Variants in KRT222 observed in about 807,000 individuals in gnomAD.
KRT222 encodes keratin-like protein KRT222.
A neutral mutation model predicts 35.0 loss-of-function variants in KRT222; 23 were observed. The observed-to-expected ratio is 0.66, with a 90% CI of 0.47 to 0.93. The LOEUF is 0.93. Ranked by LOEUF, KRT222 falls within the 40% of genes least tolerant of loss-of-function variation. KRT222 has a pLI of 0.00. For missense variants in KRT222, 339 were observed against 346.3 expected, an observed-to-expected ratio of 0.98 and a Z score of 0.17; for synonymous variants, 108 against 118.8, an observed-to-expected ratio of 0.91 and a Z score of 0.59.
chr17:40,659,901 G>T, intron 3 of KRT222, 86 bp downstream of exon 3: 1 of 1,139,726 alleles, frequency 8.8e-7, no homozygotes, highest in South Asian at 1.3e-5. Context: ...GGGGTTTTTG[G>T]ATTTAATTTC....
At position 40,665,048 on chromosome 17, in the gene KRT222, G is replaced by C. The variant is rs1375151935; in HGVS notation, c.52C>G (p.Leu18Val). The C allele has an allele frequency of 6.2e-7, 1 of 1,614,062 alleles. No homozygotes were observed. The highest frequency in any genetic ancestry group is 1.1e-5 in the South Asian group (1 of 91,084). ...ACCGTCTCTATCTGATTTCTGGTGA[G>C]GATCTTTTCATAGTTTGCCCTGATC... ...NEIRANYEKILTRNQIETVLS... is the reference protein window; with the variant it reads ...NEIRANYEKIVTRNQIETVLS... Residue 18 changes from leucine to valine, a missense_variant, in exon 1 of 6, where the codon CTC becomes GTC. Coordinates refer to ENST00000394052, the MANE Select transcript of KRT222 (RefSeq NM_152349.3).
At chr17:40,664,946 G>C in intron 1 of KRT222, 58 bp downstream of exon 1, 1 of 1,611,324 alleles carries the variant, frequency 6.2e-7, no homozygotes, top group Non-Finnish European at 8.5e-7. Context: ...GACAGGAATT[G>C]GGTAGACATG....
rs367742760 is a variant in KRT222 at position 40,659,946 on chromosome 17, T to C, written c.446+41A>G. The C allele has an allele frequency of 3.1e-5, 47 of 1,534,538 alleles. 1 individual carries two copies. Among genetic ancestry groups the C allele is most frequent in the South Asian group, 2.7e-4 (24 of 89,256 alleles). ...ATCAACAATGGCATAAGTGGCTCTGTATTTCTGGCCCCTTGTCATTAACTA... is the reference window on the plus strand; with the variant it reads ...ATCAACAATGGCATAAGTGGCTCTGCATTTCTGGCCCCTTGTCATTAACTA... On this transcript the variant is annotated intron_variant, in intron 3 of 5. Transcript: ENST00000394052.
chr17:40,660,109 T>C lies in KRT222; in HGVS notation c.324A>G (p.Leu108=). The part of the protein sequence containing the change: ...ETVIEGLEKE[L]QEVRRGIEKQ... Reference sequence around the variant, plus strand: ...TTTCGATGCCGCGCCTTACTTCCTGTAGCTCTTTTTCTAGTCCTTCAATCA... The same window carrying C: ...TTTCGATGCCGCGCCTTACTTCCTGCAGCTCTTTTTCTAGTCCTTCAATCA... The change falls in exon 3 of 6, where the codon CTA becomes CTG. Residue 108 remains leucine (L), a synonymous_variant. Transcript: ENST00000394052. 6.2e-7 allele frequency: 1 copy of C among 1,614,152 alleles called. No individual in the cohort carries two copies. Among genetic ancestry groups the C allele is most frequent in the South Asian group, 1.1e-5 (1 of 91,072 alleles).
In KRT222 at chr17:40,660,723, T is replaced by C. The variant is rs145432818; in HGVS notation, c.226-516A>G. ...TTATTTACATAACTAGAGATCTTAC[T>C]CTATTTCAAAGACATCCTGTGATAA... On this transcript the variant is annotated intron_variant, in intron 2 of 5. Coordinates refer to ENST00000394052, the MANE Select transcript of KRT222 (RefSeq NM_152349.3). 2.3e-3 allele frequency among the ~76,000 whole-genome samples: 340 copies of C among 149,776 alleles called. 6 individuals are homozygous for C. Among genetic ancestry groups the C allele is most frequent in the Non-Finnish European group, 8.0e-4 (54 of 67,704 alleles).
At chr17:40,661,098 C>T (rs865843432) in intron 2 of KRT222, among the ~76,000 whole-genome samples, 8 of 152,054 alleles carry the variant, frequency 5.3e-5, no homozygotes, top group Middle Eastern at 6.8e-3. Context: ...GCGTGTGCCA[C>T]CATACCTGGC....
At chr17:40,659,957 C>T (rs1185181555) in intron 3 of KRT222, 30 bp downstream of exon 3, 1 of 1,575,010 alleles carries the variant, frequency 6.3e-7, no homozygotes, top group Non-Finnish European at 8.7e-7. Context: ...ATTTCTGGCC[C>T]CTTGTCATTA....
intron 1 of KRT222, among the ~76,000 whole-genome samples, chr17:40,663,362 C>T (rs1393138600): frequency 6.6e-6 from 1 of 152,178 alleles, no homozygotes; most frequent in Non-Finnish European, 1.5e-5. Flanking sequence ...ACTTCTAGAC[C>T]TAAGTCTTAG....
At chr17:40,659,870 T>C (rs1160380938) in intron 3 of KRT222, 117 bp downstream of exon 3, 1 of 809,852 alleles carries the variant, frequency 1.2e-6, no homozygotes, top group African/African-American at 1.7e-5. Flanking sequence ...ATGGGCTCAG[T>C]GAGTACACCA....
At position 40,665,150 on chromosome 17, in the gene KRT222, T is replaced by TCGCTG. The variant is rs1198959900; in HGVS notation, c.-56_-52dup. 6.4e-7 allele frequency: 1 copy of TCGCTG among 1,554,136 alleles called. No homozygotes were observed. The highest frequency in any genetic ancestry group is 8.9e-7 in the Non-Finnish European group (1 of 1,128,062). On this transcript the variant is annotated 5_prime_UTR_variant, in exon 1 of 6. Coordinates refer to ENST00000394052, the MANE Select transcript of KRT222 (RefSeq NM_152349.3). ...AACTGAACCTTATCGATAGGATGAG[T>TCGCTG]CGCTGCGGCAGTCTGCTCGGTCTGC...
At chr17:40,664,744 C>A (rs948526808) in intron 1 of KRT222, among the ~76,000 whole-genome samples, 2 of 151,900 alleles carry the variant, frequency 1.3e-5, no homozygotes, top group African/African-American at 2.4e-5. Flanking sequence ...GTATGTTGAC[C>A]CCATGTTAAT....
At chr17:40,659,890 TG>T in intron 3 of KRT222, 96 bp downstream of exon 3, 1 of 952,038 alleles carries the variant, frequency 1.1e-6, no homozygotes, top group Non-Finnish European at 1.7e-6. Flanking sequence ...ATGATGATGA[TG>T]GGGTTTTTGG....
chr17:40,664,393 C>T (rs571571552), intron 1 of KRT222, among the ~76,000 whole-genome samples: 1 of 152,026 alleles, frequency 6.6e-6, no homozygotes, highest in Non-Finnish European at 1.5e-5. Context: ...TGTTTCTCAT[C>T]TTATAGTACA....
intron 1 of KRT222, among the ~76,000 whole-genome samples, chr17:40,662,572 G>A (rs1459633875): frequency 2.0e-5 from 3 of 152,106 alleles, no homozygotes; most frequent in African/African-American, 7.2e-5. Context: ...TAGGCAATAA[G>A]GCTCACAAAT....
At chr17:40,660,851 TAA>T (rs1237189510) in intron 2 of KRT222, among the ~76,000 whole-genome samples, 4 of 139,482 alleles carry the variant, frequency 2.9e-5, no homozygotes, top group Non-Finnish European at 4.8e-5. Flanking sequence ...GTAGGCTTTG[TAA>T]AAAAAAAAAA....
chr17:40,657,391 C>A lies in KRT222; in HGVS notation c.620G>T (p.Ser207Ile). ...AGCTTCAGTGCTCTCCTTAACGATA[C>A]TCCCATTTAAGATTGCCTGTTTGGT... is the stretch of plus-strand genomic sequence containing the variant. The part of the protein sequence containing the change: ...TVTKQAILNG[S>I]IVKESTEAHG... Residue 207 changes from serine to isoleucine, a missense_variant, in exon 5 of 6, where the codon AGT (serine) becomes ATT (isoleucine). Coordinates refer to ENST00000394052, the MANE Select transcript of KRT222 (RefSeq NM_152349.3). 1.2e-6 allele frequency: 2 copies of A among 1,610,532 alleles called. No homozygotes were observed. Among genetic ancestry groups the A allele is most frequent in the Non-Finnish European group, 1.7e-6 (2 of 1,178,592 alleles).
At position 40,659,626 on chromosome 17, in the gene KRT222, A is replaced by G. The variant is rs2037368937; in HGVS notation, c.446+361T>C. Among the ~76,000 whole-genome samples, 3 of 151,426 alleles carry G rather than the reference A, an allele frequency of 2.0e-5. No individual in the cohort carries two copies. The South Asian group carries it at 6.3e-4, about 32-fold the overall frequency. ...TTTTGTACAGATGAGGTCTCACTAT[A>G]TTGCCCAAGCTGGTATTGAGCTCCT... On this transcript the variant is annotated intron_variant, in intron 3 of 5. Coordinates refer to ENST00000394052, the MANE Select transcript of KRT222 (RefSeq NM_152349.3).
intron 1 of KRT222, among the ~76,000 whole-genome samples, chr17:40,663,776 A>G (rs1392460808): frequency 6.6e-6 from 1 of 152,236 alleles, no homozygotes; most frequent in Admixed American, 6.5e-5. Flanking sequence ...AACTCACCGT[A>G]GTCTTGCTTT....
rs772070229 is a variant in KRT222, at chr17:40,664,935, G to T, written c.96+69C>A. 2.5e-6 allele frequency: 4 copies of T among 1,608,754 alleles called. No individual in the cohort carries two copies. In the Admixed American group the frequency reaches 6.7e-5, roughly 27 times the overall value. ...GAAATACTGTACCTCAGAGAGGCCG[G>T]GACAGGAATTGGGTAGACATGGACT... On this transcript the variant is annotated intron_variant, in intron 1 of 5. Transcript: ENST00000394052.
Sources: allele counts gnomAD v4.1 joint callset (sites outside exome capture counted in the v4.1 genomes callset), GRCh38; gene constraint gnomAD v4.1.1; transcripts MANE v1.5; gene names NCBI Gene and HGNC (gene_info 2026-07-23, HGNC 2026-07-21).